RARB: variants seen among roughly 807,000 people sequenced by gnomAD.
The protein encoded by RARB is retinoic acid receptor beta.
RARB carries 17 observed loss-of-function variants against 51.9 expected under a neutral mutation model. That is an observed-to-expected ratio of 0.33 (90% CI 0.22 to 0.49). The LOEUF is 0.49. Ranked by LOEUF, RARB falls within the 20% of genes least tolerant of loss-of-function variation. RARB has a pLI of 0.99. For missense variants in RARB, 369 were observed against 550.8 expected (o/e 0.67, Z 3.30); for synonymous variants, 215 against 195.4 (o/e 1.10, Z -0.84).
At chr3:25,308,456 T>C (rs1157430212) in intron 5 of RARB, among the ~76,000 whole-genome samples, 2 of 150,692 alleles carry the variant, frequency 1.3e-5, no homozygotes, top group African/African-American at 2.4e-5. Flanking sequence ...TTCTTTTTTT[T>C]TTTTTTTTTT....
chr3:25,540,949 C>T (rs1447582611), intron 3 of RARB, among the ~76,000 whole-genome samples: 1 of 135,864 alleles, frequency 7.4e-6, no homozygotes, highest in Admixed American at 7.4e-5. Flanking sequence ...ACCCCAACCA[C>T]TCTGCAGAGG....
At chr3:25,314,724 G>C (rs1213570044) in intron 5 of RARB, among the ~76,000 whole-genome samples, 3 of 151,974 alleles carry the variant, frequency 2.0e-5, no homozygotes, top group Admixed American at 6.6e-5. Context: ...GACTCAGGTG[G>C]GTACATGTGC....
At chr3:24,937,594 C>T (rs879519052) in intron 2 of RARB, among the ~76,000 whole-genome samples, 4 of 152,086 alleles carry the variant, frequency 2.6e-5, no homozygotes, top group Admixed American at 1.3e-4. Context: ...AAAGCAGTAG[C>T]GTGCGATACG....
intron 4 of RARB, among the ~76,000 whole-genome samples, chr3:25,133,412 T>A (rs1396473569): frequency 6.6e-6 from 1 of 151,976 alleles, no homozygotes; most frequent in Non-Finnish European, 1.5e-5. Context: ...AGTTTTTGGT[T>A]GTGCACTTAG....
At chr3:25,434,529 CT>C (rs140015265) in intron 1 of RARB, among the ~76,000 whole-genome samples, 41,756 of 122,884 alleles carry the variant, frequency 0.34, 6,518 homozygotes, top group Admixed American at 0.36. Context: ...CTTGGTACTC[CT>C]TTTTTTTTTT....
At chr3:25,213,778 T>C (rs561680664) in intron 5 of RARB, among the ~76,000 whole-genome samples, 2 of 152,322 alleles carry the variant, frequency 1.3e-5, no homozygotes, top group South Asian at 4.1e-4. Context: ...TGTCAAACTA[T>C]GGTCAATCAT....
intron 2 of RARB, among the ~76,000 whole-genome samples, chr3:25,470,780 G>C (rs896052614): frequency 6.6e-6 from 1 of 151,958 alleles, no homozygotes; most frequent in Admixed American, 6.6e-5. Flanking sequence ...GCTGTTGTTC[G>C]CCTTTGTAGC....
At chr3:25,147,149 G>T (rs4858144) in intron 4 of RARB, among the ~76,000 whole-genome samples, 1 of 151,896 alleles carries the variant, frequency 6.6e-6, no homozygotes, top group Non-Finnish European at 1.5e-5. Context: ...ATTTCCAGAG[G>T]TATTTTCTGA....
At chr3:25,187,123 C>T (rs975460948) in intron 5 of RARB, among the ~76,000 whole-genome samples, 1 of 151,958 alleles carries the variant, frequency 6.6e-6, no homozygotes, top group Non-Finnish European at 1.5e-5. Flanking sequence ...TGGGAGGGAA[C>T]CTCTCAAATG....
intron 5 of RARB, among the ~76,000 whole-genome samples, chr3:25,295,870 C>T (rs1703903717): frequency 6.6e-6 from 1 of 152,286 alleles, no homozygotes; most frequent in South Asian, 2.1e-4. Flanking sequence ...AGGCCCTTTA[C>T]CACAGCAGCT....
At chr3:25,026,490 G>A (rs560549731) in intron 2 of RARB, among the ~76,000 whole-genome samples, 8 of 152,128 alleles carry the variant, frequency 5.3e-5, no homozygotes, top group South Asian at 4.2e-4. Flanking sequence ...TCCTGTGCAC[G>A]CACATCCCTG....
At chr3:25,423,837 T>G (rs1361997124), upstream of RARB, among the ~76,000 whole-genome samples, 3 of 152,240 alleles carry the variant, frequency 2.0e-5, no homozygotes, top group African/African-American at 7.2e-5. Flanking sequence ...CCACCAGCAG[T>G]GACAGTCAGC....
chr3:25,282,332 C>T (rs946408637), intron 5 of RARB, among the ~76,000 whole-genome samples: 1 of 152,190 alleles, frequency 6.6e-6, no homozygotes, highest in Non-Finnish European at 1.5e-5. Context: ...CCCTCAGATA[C>T]CACATGGCTT....
chr3:25,126,978 A>G (rs1286128313), intron 3 of RARB, among the ~76,000 whole-genome samples: 1 of 151,986 alleles, frequency 6.6e-6, no homozygotes, highest in African/African-American at 2.4e-5. Flanking sequence ...ACTACATTCA[A>G]TGCAAGTTCT....
intron 5 of RARB, among the ~76,000 whole-genome samples, chr3:25,319,709 G>C (rs1355837220): frequency 1.3e-5 from 2 of 152,122 alleles, no homozygotes; most frequent in Non-Finnish European, 2.9e-5. Flanking sequence ...ATCTTGATGA[G>C]AAAGTGATCT....
intron 5 of RARB, among the ~76,000 whole-genome samples, chr3:25,339,260 G>T (rs1226212477): frequency 3.3e-5 from 5 of 152,164 alleles, no homozygotes; most frequent in Admixed American, 1.3e-4. Flanking sequence ...TGGCCTGAAG[G>T]TTTCTCTGTA....
chr3:25,287,554 C>CTCG (rs1703686525), intron 5 of RARB, among the ~76,000 whole-genome samples: 1 of 152,316 alleles, frequency 6.6e-6, no homozygotes, highest in Middle Eastern at 3.4e-3. Context: ...GACAGACACT[C>CTCG]TCGGCCTCCT....
At chr3:25,351,209 A>C (rs373633466) in intron 5 of RARB, among the ~76,000 whole-genome samples, 26 of 152,194 alleles carry the variant, frequency 1.7e-4, no homozygotes, top group African/African-American at 6.0e-4. Context: ...TCTGTCTTTC[A>C]CTTGATGGAG....
chr3:25,337,730 T>C (rs1705104717), intron 5 of RARB, among the ~76,000 whole-genome samples: 1 of 152,144 alleles, frequency 6.6e-6, no homozygotes, highest in South Asian at 2.1e-4. Context: ...TTACCCTGCT[T>C]TATTTTTTTG....
Sources: gnomAD v4.1 joint callset for allele counts (sites outside exome capture counted in the v4.1 genomes callset) on GRCh38, gnomAD v4.1.1 for gene constraint, MANE v1.5 for transcripts, NCBI Gene and HGNC (gene_info 2026-07-23, HGNC 2026-07-21) for gene names.